The following WDR93 variants were observed in gnomAD, a reference collection of about 807,000 sequenced individuals.
WDR93 encodes the protein WD repeat domain 93.
WDR93 carries 73 observed loss-of-function variants against 82.9 expected under a neutral mutation model. The observed-to-expected ratio is 0.88, with a 90% confidence interval of 0.73 to 1.07. WDR93 has a LOEUF of 1.07. Ranked by LOEUF, WDR93 falls within the 50% of genes least tolerant of loss-of-function variation. WDR93 has a pLI of 0.00. For missense variants in WDR93, 738 were observed against 826.0 expected, an observed-to-expected ratio of 0.89 and a Z score of 1.31; for synonymous variants, 283 against 300.1, an observed-to-expected ratio of 0.94 and a Z score of 0.59.
At chr15:89,732,457 C>T (rs1447637865) in intron 12 of WDR93, among the ~76,000 whole-genome samples, 1 of 152,200 alleles carries the variant, frequency 6.6e-6, no homozygotes, top group East Asian at 1.9e-4. Flanking sequence ...AAGATAAACA[C>T]CACTAAAGAC....
In WDR93 at chr15:89,739,130, AAAGT is replaced by A. The variant is rs1300325946; in HGVS notation, c.1961+896_1961+899del. ...GACCCTGCCTCAAAAAAAAAAAAAA[AAAGT>A]ATGTTTGGATTATTAGACACAATCC... On this transcript the variant is annotated intron_variant, in intron 16 of 16. Coordinates refer to ENST00000268130, the MANE Select transcript of WDR93 (RefSeq NM_020212.2). Among the ~76,000 whole-genome samples the A allele has an allele frequency of 3.9e-3, 598 of 151,778 alleles. 4 individuals are homozygous for A. The highest frequency in any genetic ancestry group is 0.014 in the African/African-American group (558 of 41,152).
intron 14 of WDR93, among the ~76,000 whole-genome samples, chr15:89,736,553 A>C (rs547821114): frequency 6.6e-6 from 1 of 152,098 alleles, no homozygotes. Flanking sequence ...TCACAAAGTG[A>C]CCGTGAGGGG....
At chr15:89,740,829 T>C (rs1299763092) in intron 16 of WDR93, among the ~76,000 whole-genome samples, 11 of 152,046 alleles carry the variant, frequency 7.2e-5, no homozygotes, top group Non-Finnish European at 1.2e-4. Context: ...TGCAAATGTA[T>C]AGATTACTTT....
chr15:89,703,280 G>A lies in WDR93; in HGVS notation c.496+138G>A, dbSNP rs557436350. The A allele has an allele frequency of 4.0e-5, 34 of 858,740 alleles. No individual in the cohort carries two copies. The South Asian group carries it at 5.2e-4, about 13-fold the overall frequency. 53.2% of individuals were successfully genotyped at this position (858,740 alleles called of 1,614,324 possible). On this transcript the variant is annotated intron_variant, in intron 3 of 16. Transcript: ENST00000268130. Reference sequence around the variant, plus strand: ...TCATGTAATAGTAACTATATGTACAGAACAGGTATGGTGGGTCAGATACTG... The same window carrying A: ...TCATGTAATAGTAACTATATGTACAAAACAGGTATGGTGGGTCAGATACTG...
intron 3 of WDR93, chr15:89,703,472 A>C: frequency 2.9e-6 from 1 of 346,924 alleles, no homozygotes; most frequent in Non-Finnish European, 5.4e-6. Flanking sequence ...ATGGCCCTGG[A>C]GTCCACACCC....
intron 16 of WDR93, among the ~76,000 whole-genome samples, chr15:89,739,242 C>A (rs1967463127): frequency 1.3e-5 from 2 of 152,154 alleles, no homozygotes; most frequent in Admixed American, 6.6e-5. Flanking sequence ...TATTTGAACA[C>A]AGCCGTGCCC....
chr15:89,739,910 T>C (rs748852957), intron 16 of WDR93, among the ~76,000 whole-genome samples: 33 of 152,142 alleles, frequency 2.2e-4, no homozygotes, highest in African/African-American at 5.6e-4. Context: ...TCAGGGAAGA[T>C]TGAAGTAGAC....
chr15:89,729,172 G>T, intron 10 of WDR93, 79 bp downstream of exon 10: 1 of 1,351,000 alleles, frequency 7.4e-7, no homozygotes, highest in Non-Finnish European at 1.1e-6. Flanking sequence ...CCACAGAGAT[G>T]TTCCCCAACA....
At position 89,702,966 on chromosome 15, in the gene WDR93, A is replaced by AT. The variant is rs749911177; in HGVS notation, c.322dup (p.Cys108LeufsTer21). 10 of 1,613,886 alleles carry AT rather than the reference A, an allele frequency of 6.2e-6. No homozygotes were observed. The highest frequency in any genetic ancestry group is 7.6e-6 in the Non-Finnish European group (9 of 1,179,952). ...TTTTCCCAGCTCAACAAAATGCCAA[A>AT]TTGTATGGCTGTTTCCCAAGACTAT... On this transcript the variant is annotated frameshift_variant, in exon 3 of 17. Transcript: ENST00000268130. LOFTEE classifies it high-confidence loss of function.
intron 8 of WDR93, among the ~76,000 whole-genome samples, chr15:89,725,570 C>CTTTTTT (rs58934154): frequency 7.1e-6 from 1 of 141,502 alleles, no homozygotes; most frequent in African/African-American, 2.6e-5. Flanking sequence ...TTTTTCTTTT[C>CTTTTTT]TTTTTTTTTT....
intron 7 of WDR93, 69 bp from the exon 8 acceptor site, chr15:89,721,986 T>G (rs1268891441): frequency 9.5e-7 from 1 of 1,051,726 alleles, no homozygotes; most frequent in Admixed American, 2.7e-5. Flanking sequence ...TCTTTTAAAA[T>G]TAGTATTTTT....
chr15:89,707,598 TAAAAC>T (rs759236161), intron 4 of WDR93, among the ~76,000 whole-genome samples: 3 of 143,930 alleles, frequency 2.1e-5, no homozygotes, highest in African/African-American at 7.7e-5. Flanking sequence ...AAATAAAAAA[TAAAAC>T]AACAAAGAAA....
At chr15:89,713,178 G>T (rs886285115) in intron 5 of WDR93, among the ~76,000 whole-genome samples, 5 of 117,584 alleles carry the variant, frequency 4.3e-5, no homozygotes, top group Non-Finnish European at 9.3e-5. Context: ...GAGAATCAAA[G>T]AATTTTTGGA....
At chr15:89,705,436 G>C in intron 3 of WDR93, 118 bp from the exon 4 acceptor site, 1 of 708,930 alleles carries the variant, frequency 1.4e-6, no homozygotes, top group Non-Finnish European at 2.6e-6. Context: ...GGGCTGGGAA[G>C]GAGGCCTAAG....
chr15:89,692,104 T>C lies in WDR93; in HGVS notation c.-41+1247T>C, dbSNP rs568655324. Among the ~76,000 whole-genome samples the C allele has an allele frequency of 7.2e-4, 110 of 152,312 alleles. 1 individual carries two copies. The highest frequency in any genetic ancestry group is 2.5e-3 in the African/African-American group (106 of 41,584). ...CTGCCAGGAGCCTTGTATACCATCC[T>C]GATACTCCAAGCCACATCCAACGTC... On this transcript the variant is annotated intron_variant, in intron 1 of 16. Transcript: ENST00000268130.
intron 16 of WDR93, among the ~76,000 whole-genome samples, chr15:89,741,934 G>C (rs1967706917): frequency 6.6e-6 from 1 of 152,148 alleles, no homozygotes; most frequent in Non-Finnish European, 1.5e-5. Context: ...GTATTTTTTA[G>C]TAGAGACGGG....
chr15:89,708,193 T>C (rs1272120078), intron 4 of WDR93, among the ~76,000 whole-genome samples: 1 of 152,240 alleles, frequency 6.6e-6, no homozygotes, highest in Non-Finnish European at 1.5e-5. Flanking sequence ...GATTGTGGTG[T>C]TGGTTTCAAG....
chr15:89,729,814 A>T, intron 11 of WDR93, 45 bp downstream of exon 11: 1 of 1,474,696 alleles, frequency 6.8e-7, no homozygotes, highest in Non-Finnish European at 9.5e-7. Context: ...CAGGACTTGC[A>T]GACATGTCCT....
chr15:89,711,449 GC>G (rs1435844778), intron 4 of WDR93, among the ~76,000 whole-genome samples: 1 of 150,950 alleles, frequency 6.6e-6, no homozygotes, highest in Non-Finnish European at 1.5e-5. Context: ...TCACTTGCAA[GC>G]CAGGAGTTCA....
Sources: gnomAD v4.1 joint callset for allele counts (sites outside exome capture counted in the v4.1 genomes callset) on GRCh38, gnomAD v4.1.1 for gene constraint, MANE v1.5 for transcripts, NCBI Gene and HGNC (gene_info 2026-07-23, HGNC 2026-07-21) for gene names.